SIM1: variants seen among roughly 807,000 people sequenced by gnomAD.
The protein encoded by SIM1 is single-minded homolog 1.
A neutral mutation model predicts 78.2 loss-of-function variants in SIM1; 18 were observed. The ratio of observed to expected loss-of-function variants is 0.23; its 90% CI spans 0.16 to 0.34. The LOEUF is 0.34. Ranked by LOEUF, SIM1 falls within the 10% of genes least tolerant of loss-of-function variation. The probability of loss-of-function intolerance (pLI) is 1.00; values close to 1 mark genes in which losing one functional copy is unlikely to be tolerated. For synonymous variants in SIM1, 417 were observed against 385.2 expected (o/e 1.08, Z -0.97); for missense variants, 939 against 975.1 (o/e 0.96, Z 0.49).
intron 9 of SIM1, among the ~76,000 whole-genome samples, chr6:100,425,847 G>A (rs929775265): frequency 2.6e-5 from 4 of 152,102 alleles, no homozygotes; most frequent in Non-Finnish European, 5.9e-5. Flanking sequence ...TCATGGAGTG[G>A]AACAAAATAA....
At chr6:100,462,739 C>T (rs1772887141) in intron 2 of SIM1, 2 of 152,208 alleles carry the variant, frequency 1.3e-5, no homozygotes, top group South Asian at 4.1e-4. Context: ...GTCTTGAAAA[C>T]TCGGAATAAA....
chr6:100,461,733 T>A (rs1051451781), intron 2 of SIM1, among the ~76,000 whole-genome samples: 1 of 152,222 alleles, frequency 6.6e-6, no homozygotes, highest in African/African-American at 2.4e-5. Context: ...GGCAGTGTGG[T>A]ATAATGGTAA....
intron 2 of SIM1, among the ~76,000 whole-genome samples, chr6:100,460,270 T>C (rs188506567): frequency 6.6e-6 from 1 of 152,094 alleles, no homozygotes; most frequent in Admixed American, 6.5e-5. Flanking sequence ...ATTCGGCAAA[T>C]GAGAAGGGAA....
At chr6:100,440,992 T>C (rs1562251762) in intron 9 of SIM1, among the ~76,000 whole-genome samples, 2 of 152,094 alleles carry the variant, frequency 1.3e-5, no homozygotes, top group Non-Finnish European at 2.9e-5. Context: ...CACAATAACA[T>C]ATATGGGTGC....
intron 10 of SIM1, among the ~76,000 whole-genome samples, chr6:100,416,126 C>T (rs529501945): frequency 6.6e-6 from 1 of 152,144 alleles, no homozygotes; most frequent in Non-Finnish European, 1.5e-5. Context: ...CTTAAAAACT[C>T]TTAGTCTGTA....
intron 10 of SIM1, among the ~76,000 whole-genome samples, chr6:100,395,490 A>G (rs1403586213): frequency 6.6e-6 from 1 of 152,208 alleles, no homozygotes; most frequent in Non-Finnish European, 1.5e-5. Flanking sequence ...AAGGAGAGAA[A>G]AAAAGATCCA....
intron 9 of SIM1, among the ~76,000 whole-genome samples, chr6:100,421,880 G>A (rs922314686): frequency 2.6e-5 from 4 of 152,142 alleles, no homozygotes; most frequent in Non-Finnish European, 4.4e-5. Flanking sequence ...GAAGACTCAT[G>A]GGAGAATTTT....
At chr6:100,421,536 T>TTTACACCTGTAGCACCTGTA (rs1771586929) in intron 9 of SIM1, among the ~76,000 whole-genome samples, 1 of 152,202 alleles carries the variant, frequency 6.6e-6, no homozygotes, top group South Asian at 2.1e-4. Flanking sequence ...TACACCAGAC[T>TTTACACCTGTAGCACCTGTA]TTGTGCTACA....
chr6:100,391,350 T>C (rs1770635685), intron 11 of SIM1, among the ~76,000 whole-genome samples: 1 of 152,200 alleles, frequency 6.6e-6, no homozygotes, highest in Admixed American at 6.5e-5. Context: ...AGATAAACCT[T>C]GTTCATTGTG....
chr6:100,437,237 G>A (rs1320611380), intron 9 of SIM1: 1 of 152,020 alleles, frequency 6.6e-6, no homozygotes. Flanking sequence ...ACCTTGTAAT[G>A]CATTCCTATG....
intron 9 of SIM1, among the ~76,000 whole-genome samples, chr6:100,441,255 T>C (rs1402158994): frequency 6.6e-6 from 1 of 152,140 alleles, no homozygotes. Flanking sequence ...AGTTGGATAG[T>C]GGCAGTGCCA....
chr6:100,424,429 T>A (rs1771671979), intron 9 of SIM1, among the ~76,000 whole-genome samples: 1 of 151,978 alleles, frequency 6.6e-6, no homozygotes, highest in Non-Finnish European at 1.5e-5. Flanking sequence ...TGAATTTTTT[T>A]ATTTTGTTCT....
intron 10 of SIM1, among the ~76,000 whole-genome samples, chr6:100,406,860 T>A (rs1771063343): frequency 6.6e-6 from 1 of 152,202 alleles, no homozygotes; most frequent in Admixed American, 6.5e-5. Flanking sequence ...AGATTATTCT[T>A]AGCAACTTTC....
chr6:100,456,338 G>C (rs1342532831), intron 2 of SIM1, among the ~76,000 whole-genome samples: 1 of 152,140 alleles, frequency 6.6e-6, no homozygotes, highest in Admixed American at 6.5e-5. Flanking sequence ...GTTGGCGAGG[G>C]GGTAAGCTGA....
At chr6:100,393,369 G>T in intron 11 of SIM1, 118 bp downstream of exon 11, 4 of 941,886 alleles carry the variant, frequency 4.2e-6, no homozygotes, top group East Asian at 2.9e-5. Flanking sequence ...AATCCCATTG[G>T]TTCTGATTTG....
chr6:100,390,041 A>G lies in SIM1; in HGVS notation c.*320T>C. On this transcript the variant is annotated 3_prime_UTR_variant, in exon 12 of 12. Coordinates refer to ENST00000369208, the MANE Select transcript of SIM1 (RefSeq NM_005068.3). ...AGGATCACTGGATAGTCACAATGCA[A>G]TGTTGTCATTCATCAGTCCTCTCAT... is the stretch of plus-strand genomic sequence containing the variant. 7.3e-6 allele frequency: 3 copies of G among 409,922 alleles called. No homozygotes were observed. The highest frequency in any genetic ancestry group is 1.3e-5 in the Non-Finnish European group (3 of 232,038). 25.4% of individuals were successfully genotyped at this position (409,922 alleles called of 1,614,324 possible). A position where few individuals can be genotyped will look rare whatever the true frequency, so the allele number is the denominator to read the frequency against.
intron 10 of SIM1, among the ~76,000 whole-genome samples, chr6:100,395,031 T>C (rs1349522115): frequency 2.6e-5 from 4 of 152,146 alleles, no homozygotes; most frequent in Admixed American, 2.6e-4. Flanking sequence ...CCCAGACTAT[T>C]TGGTCAGATT....
rs182559046 is a variant in SIM1 at position 100,422,675 on chromosome 6, A to G, written c.999-1717T>C. ...TGAAAATCGCTAATAGAGTAGATTT[A>G]AAGTATTTTCACCACACACACACAC... On this transcript the variant is annotated intron_variant, in intron 9 of 11. Transcript: ENST00000369208. Among the ~76,000 whole-genome samples the G allele has an allele frequency of 2.2e-3, 337 of 152,248 alleles. 1 individual carries two copies. Among genetic ancestry groups the G allele is most frequent in the African/African-American group, 7.8e-3 (323 of 41,536 alleles).
chr6:100,449,371 C>G lies in SIM1; in HGVS notation c.535G>C (p.Gly179Arg), dbSNP rs771724412. ...AKRNAGLTCGGYKVIHCSGYL... is the reference protein window; with the variant it reads ...AKRNAGLTCGRYKVIHCSGYL... ...ATCTTCCAGCTACGCACCTTGTAGC[C>G]GCCACAGGTGAGGCCGGCGTTACGC... The change falls in exon 6 of 12, where the codon GGC becomes CGC. Residue 179 changes from glycine (G) to arginine (R), a missense_variant. Physicochemically the swap from Gly to Arg is moderately radical, Grantham distance 125. Around this residue, in one of 5 missense-constraint regions of SIM1, gnomAD observed 187 missense variants for 191.6 expected, o/e 0.98. Coordinates refer to ENST00000369208, the MANE Select transcript of SIM1 (RefSeq NM_005068.3). The G allele has an allele frequency of 6.2e-7, 1 of 1,613,650 alleles. No homozygotes were observed. The highest frequency in any genetic ancestry group is 1.1e-5 in the South Asian group (1 of 91,060).
Sources: gnomAD v4.1 joint callset for allele counts (sites outside exome capture counted in the v4.1 genomes callset) on GRCh38, gnomAD v4.1.1 for gene constraint, gnomAD v4.1.1 regional missense constraint, MANE v1.5 for transcripts, NCBI Gene and HGNC (gene_info 2026-07-23, HGNC 2026-07-21) for gene names.